The following D2HGDH variants were observed in gnomAD, a reference collection of about 807,000 sequenced individuals.
The protein encoded by D2HGDH is D-2-hydroxyglutarate dehydrogenase.
A neutral mutation model predicts 46.9 loss-of-function variants in D2HGDH; 31 were observed. That is an observed-to-expected ratio of 0.66 (90% CI 0.50 to 0.89). D2HGDH has a LOEUF of 0.89. D2HGDH is among the 40% of genes least tolerant of loss of function. The pLI is 0.00. For synonymous variants in D2HGDH, 364 were observed against 332.6 expected (o/e 1.09, Z -1.03); for missense variants, 698 against 720.8 (o/e 0.97, Z 0.36).
At position 241,767,758 on chromosome 2, in the gene D2HGDH, C is replaced by T. The variant is rs745612256; in HGVS notation, c.1355C>T (p.Ser452Leu). The change falls in exon 10 of 10, where the codon TCG becomes TTG. Residue 452 changes from serine (S) to leucine (L), a missense_variant. By Grantham distance (145) the Ser-to-Leu change is moderately radical. Transcript: ENST00000321264. The stretch of plus-strand genomic sequence containing the variant: ...GTGACGGCGGAGGCCTTCAGCCCCT[C>T]GCTCCTGGCTGCCCTGGAGCCCCAC... ...LNVTAEAFSP[S>L]LLAALEPHVY... The T allele has an allele frequency of 1.1e-5, 17 of 1,612,580 alleles. No homozygotes were observed. The highest frequency in any genetic ancestry group is 3.3e-5 in the Admixed American group (2 of 59,964).
At chr2:241,735,714 T>C in intron 2 of D2HGDH, among the ~76,000 whole-genome samples, 198 bp downstream of exon 2, 1 of 152,156 alleles carries the variant, frequency 6.6e-6, no homozygotes, top group East Asian at 1.9e-4. Flanking sequence ...CAAGTTTTGT[T>C]GTTGTTGTTG....
intron 2 of D2HGDH, among the ~76,000 whole-genome samples, chr2:241,738,233 G>A (rs1693474925): frequency 6.6e-6 from 1 of 152,160 alleles, no homozygotes; most frequent in African/African-American, 2.4e-5. Flanking sequence ...CATGGCCCAG[G>A]GCCTGTGGGC....
rs781063343 is a variant in D2HGDH at position 241,735,428 on chromosome 2, C to T, written c.204C>T (p.Ala68=). 6.2e-6 allele frequency: 10 copies of T among 1,608,170 alleles called. No individual in the cohort carries two copies. The South Asian group carries it at 7.7e-5, about 12-fold the overall frequency. ...CCACGGTGTCTAAGCAGGACCTGGC[C>T]GCCTTTGAGCGCATCGTGCCCGGCG... ...PFSTVSKQDL[A]AFERIVPGGV... Residue 68 remains alanine, a synonymous_variant, in exon 2 of 10, where the codon GCC becomes GCT. Coordinates refer to ENST00000321264, the MANE Select transcript of D2HGDH (RefSeq NM_152783.5).
chr2:241,738,114 A>G (rs949204580), intron 2 of D2HGDH, among the ~76,000 whole-genome samples: 5 of 152,164 alleles, frequency 3.3e-5, no homozygotes, highest in African/African-American at 9.7e-5. Context: ...CGCTGGACCA[A>G]TGGTCACTGT....
chr2:241,736,748 C>T (rs376067254), intron 2 of D2HGDH, among the ~76,000 whole-genome samples: 5 of 151,488 alleles, frequency 3.3e-5, no homozygotes, highest in Middle Eastern at 3.4e-3. Context: ...TGGCTCACTG[C>T]GACCTTCCCC....
intron 2 of D2HGDH, 82 bp downstream of exon 2, chr2:241,735,598 G>T: frequency 4.5e-6 from 7 of 1,563,926 alleles, no homozygotes; most frequent in Non-Finnish European, 6.0e-6. Context: ...AGCGGGCTGA[G>T]AACAACCTGG....
At chr2:241,746,047 C>T (rs1695787017) in intron 6 of D2HGDH, among the ~76,000 whole-genome samples, 1 of 152,140 alleles carries the variant, frequency 6.6e-6, no homozygotes, top group African/African-American at 2.4e-5. Context: ...TCTTTTTCAT[C>T]TCCTTGGAAT....
intron 6 of D2HGDH, chr2:241,749,039 G>T (rs771852703): frequency 2.7e-5 from 27 of 1,000,472 alleles, no homozygotes; most frequent in Non-Finnish European, 2.9e-5. Context: ...CCTCGTGCTC[G>T]TGGGCTCGGT....
At chr2:241,747,199 G>A (rs578045756) in intron 6 of D2HGDH, among the ~76,000 whole-genome samples, 1 of 152,274 alleles carries the variant, frequency 6.6e-6, no homozygotes, top group East Asian at 1.9e-4. Flanking sequence ...GGGGTTATAG[G>A]TGTGAGCCTG....
chr2:241,752,126 C>T (rs1377250376), intron 8 of D2HGDH, among the ~76,000 whole-genome samples: 1 of 152,110 alleles, frequency 6.6e-6, no homozygotes, highest in East Asian at 1.9e-4. Flanking sequence ...GGGCGCAGGA[C>T]TTTACTCCCG....
Position 241,743,621 on chromosome 2 carries a change from G to A in D2HGDH, c.491-1G>A. The A allele has an allele frequency of 6.2e-7, 1 of 1,612,896 alleles. No individual in the cohort carries two copies. On this transcript the variant is annotated splice_acceptor_variant, in intron 4 of 9. Transcript: ENST00000321264. LOFTEE classifies it high-confidence loss of function. This position sits in a 1 kb window ranked among gnomAD's most constrained non-coding sequence, Gnocchi z 4.8. The stretch of plus-strand genomic sequence containing the variant: ...TGCGGCAGCCTGGTCACTCTCTGCA[G>A]GAATTCTGGTTTGCCAGGCGGGCTG...
At chr2:241,749,651 T>C (rs1696761006) in intron 6 of D2HGDH, 2 of 323,042 alleles carry the variant, frequency 6.2e-6, no homozygotes, top group South Asian at 5.1e-5. Flanking sequence ...TGGCTCTGTG[T>C]TTGCAGAATT....
At position 241,753,748 on chromosome 2, in the gene D2HGDH, C is replaced by G. The variant is rs144486352; in HGVS notation, c.1141-2101C>G. On this transcript the variant is annotated intron_variant, in intron 8 of 9. Transcript: ENST00000321264. ...GGGTCTCATTGGCACTGCCTATCCA[C>G]CCGTCACGTGTCATTCAGTTAGCAA... 1.6e-3 allele frequency among the ~76,000 whole-genome samples: 237 copies of G among 152,368 alleles called. 1 individual carries two copies. The highest frequency in any genetic ancestry group is 5.5e-3 in the African/African-American group (227 of 41,586).
At position 241,754,023 on chromosome 2, in the gene D2HGDH, A is replaced by AACGTC. The variant is rs532028385; in HGVS notation, c.1141-1825_1141-1821dup. On this transcript the variant is annotated intron_variant, in intron 8 of 9. Transcript: ENST00000321264. ...AGCAAAGACGGGGTGTGGGGAGCAG[A>AACGTC]ACGTCTGGTGCAGGAGCACCAAGAC... Among the ~76,000 whole-genome samples, 235 of 152,330 alleles carry AACGTC rather than the reference A, an allele frequency of 1.5e-3. 1 individual carries two copies. The highest frequency in any genetic ancestry group is 5.4e-3 in the African/African-American group (226 of 41,586).
intron 8 of D2HGDH, among the ~76,000 whole-genome samples, chr2:241,751,635 G>A (rs1202256085): frequency 1.3e-5 from 2 of 152,238 alleles, no homozygotes; most frequent in Non-Finnish European, 2.9e-5. Context: ...CCCATGCTGT[G>A]GGATGAGCAA....
At chr2:241,754,180 T>A (rs77062581) in intron 8 of D2HGDH, among the ~76,000 whole-genome samples, 37,993 of 152,072 alleles carry the variant, frequency 0.25, 4,874 homozygotes, top group African/African-American at 0.29. Flanking sequence ...GCGGCCGGTC[T>A]GATGAGGAGG....
intron 9 of D2HGDH, among the ~76,000 whole-genome samples, chr2:241,763,430 C>T (rs1699005833): frequency 6.6e-6 from 1 of 152,130 alleles, no homozygotes; most frequent in African/African-American, 2.4e-5. Context: ...GGTAAAAATG[C>T]CACACCTGCC....
chr2:241,755,565 C>T (rs549785245), intron 8 of D2HGDH: 24 of 1,440,242 alleles, frequency 1.7e-5, no homozygotes, highest in Non-Finnish European at 2.2e-5. Flanking sequence ...GTGCTCGGTG[C>T]TGTCGTGGAG....
At chr2:241,747,548 T>TTTG (rs1445869576) in intron 6 of D2HGDH, among the ~76,000 whole-genome samples, 2 of 148,984 alleles carry the variant, frequency 1.3e-5, no homozygotes, top group African/African-American at 4.9e-5. Flanking sequence ...AGGAGAGTGT[T>TTTG]TTTTTTTTTT....
Sources: allele counts gnomAD v4.1 joint callset (sites outside exome capture counted in the v4.1 genomes callset), GRCh38; gene constraint gnomAD v4.1.1; non-coding constraint Gnocchi (gnomAD v3.1); transcripts MANE v1.5; gene names NCBI Gene and HGNC (gene_info 2026-07-23, HGNC 2026-07-21).